TNFAIP2: variants seen among roughly 807,000 people sequenced by gnomAD.
TNFAIP2 encodes TNF alpha induced protein 2, also known as tumor necrosis factor alpha-induced protein 2.
TNFAIP2 carries 47 observed loss-of-function variants against 63.5 expected under a neutral mutation model. That is an observed-to-expected ratio of 0.74 (90% CI 0.59 to 0.94). TNFAIP2 has a LOEUF of 0.94. Among genes scored for constraint, TNFAIP2 ranks in the 40% least tolerant of loss-of-function variants. The pLI is 0.00. For synonymous variants in TNFAIP2, 405 were observed against 390.2 expected (o/e 1.04, Z -0.45); for missense variants, 787 against 850.2 (o/e 0.93, Z 0.92).
chr14:103,126,902 G>A, intron 2 of TNFAIP2, 103 bp from the exon 3 acceptor site: 2 of 1,405,122 alleles, frequency 1.4e-6, no homozygotes, highest in Admixed American at 3.0e-5. Flanking sequence ...GTTGGCCGCC[G>A]GCCCTGTGCG....
chr14:103,121,707 G>A (rs550808918), upstream of TNFAIP2, among the ~76,000 whole-genome samples: 1 of 152,328 alleles, frequency 6.6e-6, no homozygotes, highest in Admixed American at 6.5e-5. Flanking sequence ...CGGTGCTCTG[G>A]GCGGGCCACT....
At chr14:103,128,212 T>G (rs1265197318) in intron 3 of TNFAIP2, among the ~76,000 whole-genome samples, 1 of 152,210 alleles carries the variant, frequency 6.6e-6, no homozygotes, top group Admixed American at 6.5e-5. Context: ...CAGGGCACTC[T>G]GGAGCTGAGC....
At chr14:103,122,663 A>G, upstream of TNFAIP2, 2 of 456,030 alleles carry the variant, frequency 4.4e-6, no homozygotes, top group South Asian at 3.1e-5. Flanking sequence ...CCTGCGCTGA[A>G]TGGGCAAAGC....
rs528539412 is a variant in TNFAIP2, at chr14:103,125,555, C to T, written c.-148-755C>T. Among the ~76,000 whole-genome samples the T allele has an allele frequency of 3.5e-3, 538 of 152,292 alleles. 5 individuals carry two copies. The highest frequency in any genetic ancestry group is 0.014 in the Middle Eastern group (4 of 294). On this transcript the variant is annotated intron_variant, in intron 1 of 11. Coordinates refer to ENST00000560869, the MANE Select transcript of TNFAIP2 (RefSeq NM_006291.4). The stretch of plus-strand genomic sequence containing the variant: ...ACTGGAAGCCTTTGTGATGATGCTA[C>T]GATCCCATTTGGGAGGGGGTGGGAG...
chr14:103,127,049 G>T lies in TNFAIP2; in HGVS notation c.280G>T (p.Ala94Ser). The change falls in exon 3 of 12, where the codon GCG becomes TCG. Residue 94 changes from alanine to serine, a missense_variant. Ala to Ser is a moderately conservative substitution (Grantham distance 99, BLOSUM62 1). Transcript: ENST00000560869. The surrounding 1 kb of genome is among the most constrained non-coding windows in gnomAD (Gnocchi z 5.1). ...AALERGQLEA[A>S]RPLLALEREL... is the part of the protein sequence containing the mutation. The stretch of plus-strand genomic sequence containing the variant: ...GCTGGAGCGCGGGCAGCTGGAGGCG[G>T]CGCGGCCGCTGCTGGCGCTGGAGCG... 8.7e-7 allele frequency: 1 copy of T among 1,150,284 alleles called. No individual in the cohort carries two copies. Among genetic ancestry groups the T allele is most frequent in the Non-Finnish European group, 1.1e-6 (1 of 935,250 alleles). The allele number at this position is 1,150,284 out of a possible 1,614,324, so 71.3% of individuals were successfully genotyped here.
rs890081543 is a variant in TNFAIP2 at position 103,128,848 on chromosome 14, G to A, written c.861-892G>A. Among the ~76,000 whole-genome samples, 12 of 152,336 alleles carry A rather than the reference G, an allele frequency of 7.9e-5. No homozygotes were observed. In the South Asian group the frequency reaches 1.4e-3, roughly 18 times the overall value. ...CCAGTCTTTCTGTCCCAGTGACCTC[G>A]GGGTCTGCTGGCCTGGGGTTAGCAA... On this transcript the variant is annotated intron_variant, in intron 3 of 11. Transcript: ENST00000560869.
At chr14:103,122,577 C>T (rs1213276708), upstream of TNFAIP2, 1 of 440,758 alleles carries the variant, frequency 2.3e-6, no homozygotes, top group Admixed American at 2.4e-5. Flanking sequence ...ATCCTCCCCA[C>T]ATGCCCCACC....
upstream of TNFAIP2, among the ~76,000 whole-genome samples, chr14:103,122,102 G>T (rs1039229042): frequency 5.3e-5 from 8 of 152,186 alleles, no homozygotes; most frequent in Non-Finnish European, 1.0e-4. Flanking sequence ...TCTGAAAAAT[G>T]TCATCCCTGG....
rs2088090443 is a variant in TNFAIP2, at chr14:103,136,103, G to C, written c.*743G>C. ...CCCAAGACCTCCTGGGTCCTCTCAG[G>C]CTCCCCCTTCCCCAAGGCAGGGACA... On this transcript the variant is annotated 3_prime_UTR_variant, in exon 12 of 12. Transcript: ENST00000560869. 9.2e-7 allele frequency: 1 copy of C among 1,082,240 alleles called. No individual in the cohort carries two copies. Among genetic ancestry groups the C allele is most frequent in the African/African-American group, 1.7e-5 (1 of 60,530 alleles). The allele number at this position is 1,082,240 out of a possible 1,614,324, so 67.0% of individuals were successfully genotyped here.
At chr14:103,129,935 C>T (rs1206887257) in intron 4 of TNFAIP2, 67 bp from the exon 5 acceptor site, 2 of 1,606,720 alleles carry the variant, frequency 1.2e-6, no homozygotes, top group African/African-American at 1.3e-5. Flanking sequence ...GGGCAGGGAG[C>T]TTGACGGGTC....
chr14:103,133,589 G>A (rs1218770750), intron 10 of TNFAIP2, 72 bp downstream of exon 10: 9 of 1,581,428 alleles, frequency 5.7e-6, no homozygotes, highest in South Asian at 3.5e-5. Context: ...TTTCAGGGTC[G>A]GAGATAGGCC....
At chr14:103,126,830 G>A in intron 2 of TNFAIP2, 138 bp downstream of exon 2, 1 of 1,325,706 alleles carries the variant, frequency 7.5e-7, no homozygotes, top group South Asian at 1.5e-5. Context: ...CACCTGTGCC[G>A]CAATCTGGGG....
At chr14:103,130,507 C>G in intron 6 of TNFAIP2, 92 bp downstream of exon 6, 1 of 1,195,904 alleles carries the variant, frequency 8.4e-7, no homozygotes, top group Non-Finnish European at 1.2e-6. Flanking sequence ...TGAGCTGGAT[C>G]CCCGCCCTCT....
rs2087870293 is a variant in TNFAIP2, at chr14:103,127,055, C to G, written c.286C>G (p.Pro96Ala). The change falls in exon 3 of 12, where the codon CCG becomes GCG. Residue 96 changes from proline to alanine, a missense_variant. Transcript: ENST00000560869. The surrounding 1 kb of genome is among the most constrained non-coding windows in gnomAD (Gnocchi z 5.1). ...GCGCGGGCAGCTGGAGGCGGCGCGG[C>G]CGCTGCTGGCGCTGGAGCGGGAGCT... is the stretch of plus-strand genomic sequence containing the variant. ...LERGQLEAAR[P>A]LLALERELAA... is the part of the protein sequence containing the mutation. 1 of 1,143,926 alleles carries G rather than the reference C, an allele frequency of 8.7e-7. No homozygotes were observed. Among genetic ancestry groups the G allele is most frequent in the African/African-American group, 1.7e-5 (1 of 59,634 alleles). The allele number at this position is 1,143,926 out of a possible 1,614,324, so 70.9% of individuals were successfully genotyped here. A position where few individuals can be genotyped will look rare whatever the true frequency, so the allele number is the denominator to read the frequency against.
At chr14:103,126,815 G>T in intron 2 of TNFAIP2, 123 bp downstream of exon 2, 1 of 1,334,256 alleles carries the variant, frequency 7.5e-7, no homozygotes, top group Non-Finnish European at 1.0e-6. Context: ...CTGTCTCCCT[G>T]CTTTCACCTG....
At chr14:103,132,397 C>T (rs2087995892) in intron 8 of TNFAIP2, among the ~76,000 whole-genome samples, 1 of 152,162 alleles carries the variant, frequency 6.6e-6, no homozygotes, top group African/African-American at 2.4e-5. Flanking sequence ...GCGGTGACCC[C>T]ACATCCCCTG....
chr14:103,125,561 C>T (rs945375738), intron 1 of TNFAIP2, among the ~76,000 whole-genome samples: 2 of 152,138 alleles, frequency 1.3e-5, no homozygotes, highest in African/African-American at 4.8e-5. Flanking sequence ...GCTACGATCC[C>T]ATTTGGGAGG....
Position 103,131,510 on chromosome 14 carries a change from G to A in TNFAIP2, c.1299-129G>A. ...AGGGCATGGAGAACATGGATGGGAG[G>A]ACTTGATCCCATAGAGAATGGGGAG... On this transcript the variant is annotated intron_variant, in intron 7 of 11. Coordinates refer to ENST00000560869, the MANE Select transcript of TNFAIP2 (RefSeq NM_006291.4). The surrounding 1 kb of genome is among the most constrained non-coding windows in gnomAD (Gnocchi z 4.0). 1 of 1,289,410 alleles carries A rather than the reference G, an allele frequency of 7.8e-7. No individual in the cohort carries two copies. The highest frequency in any genetic ancestry group is 1.0e-6 in the Non-Finnish European group (1 of 961,436). 79.9% of individuals were successfully genotyped at this position (1,289,410 alleles called of 1,614,324 possible). A position where few individuals can be genotyped will look rare whatever the true frequency, so the allele number is the denominator to read the frequency against.
intron 4 of TNFAIP2, 62 bp from the exon 5 acceptor site, chr14:103,129,940 C>T (rs553653204): frequency 1.6e-5 from 26 of 1,606,568 alleles, no homozygotes; most frequent in Middle Eastern, 1.7e-4. Context: ...GGGAGCTTGA[C>T]GGGTCTTCCA....
Sources: allele counts gnomAD v4.1 joint callset (sites outside exome capture counted in the v4.1 genomes callset), GRCh38; gene constraint gnomAD v4.1.1; non-coding constraint Gnocchi (gnomAD v3.1); transcripts MANE v1.5; gene names NCBI Gene and HGNC (gene_info 2026-07-23, HGNC 2026-07-21).